The following SP3 variants were observed in gnomAD, a reference collection of about 807,000 sequenced individuals.
SP3 encodes the protein transcription factor Sp3.
SP3 carries 10 observed loss-of-function variants against 70.3 expected under a neutral mutation model. The observed-to-expected ratio is 0.14, with a 90% CI of 0.09 to 0.24. SP3 has a LOEUF of 0.24. Ranked by LOEUF, SP3 falls within the 10% of genes least tolerant of loss-of-function variation. The pLI, the probability that SP3 is intolerant of heterozygous loss-of-function variation, is 1.00. For missense variants in SP3, 825 were observed against 914.6 expected, an observed-to-expected ratio of 0.90 and a Z score of 1.26; for synonymous variants, 402 against 333.5, an observed-to-expected ratio of 1.21 and a Z score of -2.24.
At chr2:173,932,015 C>T (rs1264887076) in intron 4 of SP3, among the ~76,000 whole-genome samples, 1 of 152,198 alleles carries the variant, frequency 6.6e-6, no homozygotes. Context: ...TTTTCCTTTG[C>T]ATTCACAACG....
rs1559084095 is a variant in SP3 at position 173,901,770 on chromosome 2, C to G, written c.*8171G>C. Among the ~76,000 whole-genome samples the G allele has an allele frequency of 7.0e-6, 1 of 142,918 alleles. No homozygotes were observed. Among genetic ancestry groups the G allele is most frequent in the Admixed American group, 7.5e-5 (1 of 13,358 alleles). The allele number at this position is 142,918 out of a possible 152,430, so 93.8% of individuals were successfully genotyped here. A position where few individuals can be genotyped will look rare whatever the true frequency, so the allele number is the denominator to read the frequency against. On this transcript the variant is annotated 3_prime_UTR_variant, in exon 7 of 7. Coordinates refer to ENST00000310015, the MANE Select transcript of SP3 (RefSeq NM_003111.5). ...AGGCTGGAGTGCAGTGGTGCAATCT[C>G]GGCTCACTGCAACCTATGCCTCCTG...
intron 4 of SP3, among the ~76,000 whole-genome samples, chr2:173,928,775 AAAG>A (rs1689986928): frequency 6.6e-6 from 1 of 152,228 alleles, no homozygotes; most frequent in Admixed American, 6.5e-5. Context: ...TGGCTTTCAC[AAAG>A]AATAAAAGCC....
intron 4 of SP3, among the ~76,000 whole-genome samples, chr2:173,949,454 A>C (rs185123262): frequency 6.6e-6 from 1 of 152,178 alleles, no homozygotes; most frequent in South Asian, 2.1e-4. Context: ...CTGCCAAGAC[A>C]CTATAGGAGA....
rs144732751 is a variant in SP3 at position 173,908,815 on chromosome 2, G to A, written c.*1126C>T. ...AAATACAGCATAATAAAAAACATAC[G>A]CTTCTCAATTAAATGTACTGGATAC... is the stretch of plus-strand genomic sequence containing the variant. On this transcript the variant is annotated 3_prime_UTR_variant, in exon 7 of 7. Coordinates refer to ENST00000310015, the MANE Select transcript of SP3 (RefSeq NM_003111.5). The A allele has an allele frequency of 7.1e-4, 107 of 151,312 alleles. 2 individuals carry two copies. In the East Asian group the frequency reaches 0.014, roughly 19 times the overall value. The allele number at this position is 151,312 out of a possible 1,614,324, so 9.4% of individuals were successfully genotyped here. A position where few individuals can be genotyped will look rare whatever the true frequency, so the allele number is the denominator to read the frequency against.
At position 173,902,452 on chromosome 2, in the gene SP3, G is replaced by C. The variant is rs775504861; in HGVS notation, c.*7489C>G. Among the ~76,000 whole-genome samples, 1 of 152,196 alleles carries C rather than the reference G, an allele frequency of 6.6e-6. No individual in the cohort carries two copies. Among genetic ancestry groups the C allele is most frequent in the Non-Finnish European group, 1.5e-5 (1 of 68,036 alleles). ...TGAAACTGAAGATTAAGAATATCCT[G>C]TTGGCCAGTGATTCAAGTTCTAGAT... On this transcript the variant is annotated 3_prime_UTR_variant, in exon 7 of 7. Coordinates refer to ENST00000310015, the MANE Select transcript of SP3 (RefSeq NM_003111.5).
chr2:173,964,754 CCT>C, intron 1 of SP3: 2 of 377,314 alleles, frequency 5.3e-6, no homozygotes, highest in Non-Finnish European at 9.5e-6. Flanking sequence ...TGCCTGTAAC[CCT>C]CCTCCTCCTC....
At chr2:173,961,838 T>C (rs541244583) in intron 3 of SP3, among the ~76,000 whole-genome samples, 94 of 152,184 alleles carry the variant, frequency 6.2e-4, no homozygotes, top group African/African-American at 2.2e-3. Context: ...AAATTTTCTA[T>C]TTGCTAAGGC....
intron 4 of SP3, among the ~76,000 whole-genome samples, chr2:173,949,806 T>C (rs1690662263): frequency 6.6e-6 from 1 of 152,244 alleles, no homozygotes; most frequent in African/African-American, 2.4e-5. Context: ...AAATGACTTC[T>C]ATAAACTCTT....
At chr2:173,951,172 T>TA (rs1431439765) in intron 4 of SP3, among the ~76,000 whole-genome samples, 1 of 152,210 alleles carries the variant, frequency 6.6e-6, no homozygotes, top group African/African-American at 2.4e-5. Context: ...CTAGATTTAT[T>TA]TTCTAACACC....
At position 173,965,358 on chromosome 2, in the gene SP3, G is replaced by A. The variant is rs1300318110; in HGVS notation, c.-187C>T. The A allele has an allele frequency of 3.1e-6, 2 of 647,986 alleles. No homozygotes were observed. Among genetic ancestry groups the A allele is most frequent in the Non-Finnish European group, 5.3e-6 (2 of 379,106 alleles). The allele number at this position is 647,986 out of a possible 1,614,324, so 40.1% of individuals were successfully genotyped here. Reference sequence around the variant, plus strand: ...AAAGGTGGAGCCTCCAGCCCAAAAGGGGGGAAGAGGGTGACAGCCCGCCCG... The same window carrying A: ...AAAGGTGGAGCCTCCAGCCCAAAAGAGGGGAAGAGGGTGACAGCCCGCCCG... On this transcript the variant is annotated 5_prime_UTR_variant, in exon 1 of 7. Coordinates refer to ENST00000310015, the MANE Select transcript of SP3 (RefSeq NM_003111.5).
chr2:173,910,010 T>C lies in SP3; in HGVS notation c.2277A>G (p.Gln759=), dbSNP rs1220655511. ...GTVNTSATSN[Q]DILTNTEIPL... ...GTATTTCAGTGTTGGTAAGGATATC[T>C]TGATTGCTGGTGGCGGAAGTATTAA... Residue 759 remains glutamine, a synonymous_variant, in exon 7 of 7, where the codon CAA becomes CAG. Coordinates refer to ENST00000310015, the MANE Select transcript of SP3 (RefSeq NM_003111.5). The C allele has an allele frequency of 5.0e-6, 8 of 1,613,844 alleles. No homozygotes were observed. Among genetic ancestry groups the C allele is most frequent in the African/African-American group, 2.7e-5 (2 of 74,932 alleles).
At position 173,955,877 on chromosome 2, in the gene SP3, T is replaced by G; in HGVS notation, c.635A>C (p.Gln212Pro). 6.2e-7 allele frequency: 1 copy of G among 1,614,224 alleles called. No homozygotes were observed. The highest frequency in any genetic ancestry group is 8.5e-7 in the Non-Finnish European group (1 of 1,180,028). The change falls in exon 4 of 7, where the codon CAA (glutamine) becomes CCA (proline). Residue 212 changes from glutamine (Q) to proline (P), a missense_variant. Physicochemically the swap from Gln to Pro is moderately conservative, Grantham distance 76. Coordinates refer to ENST00000310015, the MANE Select transcript of SP3 (RefSeq NM_003111.5). ...SQIQIIPGSN[Q>P]TLLASGTPSA... The stretch of plus-strand genomic sequence containing the variant: ...AGGTGTTCCAGAGGCAAGTAAGGTT[T>G]GATTAGAGCCAGGAATGATCTGAAT...
At chr2:173,953,856 A>G (rs73972418) in intron 4 of SP3, among the ~76,000 whole-genome samples, 2,611 of 152,170 alleles carry the variant, frequency 0.017, 84 homozygotes, top group African/African-American at 0.06. Context: ...AAAAATAATC[A>G]CAGCTTCAGA....
chr2:173,928,066 C>T (rs890982692), intron 4 of SP3, among the ~76,000 whole-genome samples: 4 of 152,204 alleles, frequency 2.6e-5, no homozygotes, highest in Non-Finnish European at 4.4e-5. Context: ...CCTCCACCTC[C>T]CAGGTTACCG....
chr2:173,948,596 C>T (rs1690617365), intron 4 of SP3, among the ~76,000 whole-genome samples: 1 of 152,064 alleles, frequency 6.6e-6, no homozygotes, highest in South Asian at 2.1e-4. Context: ...AGTGTATATG[C>T]AGTATAATTA....
At chr2:173,935,793 T>C (rs1054513785) in intron 4 of SP3, among the ~76,000 whole-genome samples, 1 of 152,064 alleles carries the variant, frequency 6.6e-6, no homozygotes, top group Non-Finnish European at 1.5e-5. Flanking sequence ...CCAACTAGTG[T>C]CATCTTGGAG....
rs895290690 is a variant in SP3, at chr2:173,907,204, G to A, written c.*2737C>T. The A allele has an allele frequency of 6.6e-6, 1 of 151,984 alleles. No homozygotes were observed. Among genetic ancestry groups the A allele is most frequent in the African/African-American group, 2.4e-5 (1 of 41,412 alleles). The allele number at this position is 151,984 out of a possible 1,614,324, so 9.4% of individuals were successfully genotyped here. A position where few individuals can be genotyped will look rare whatever the true frequency, so the allele number is the denominator to read the frequency against. On this transcript the variant is annotated 3_prime_UTR_variant, in exon 7 of 7. Coordinates refer to ENST00000310015, the MANE Select transcript of SP3 (RefSeq NM_003111.5). ...ATCGCGTCCACTAAATGTTACAACA[G>A]GAATTATTTGTACATAAATATATTC...
intron 4 of SP3, among the ~76,000 whole-genome samples, chr2:173,919,498 A>G (rs1689691239): frequency 6.6e-6 from 1 of 152,180 alleles, no homozygotes; most frequent in Admixed American, 6.5e-5. Context: ...ACTGTGCTGT[A>G]TTAGTGTCCT....
At chr2:173,940,533 A>G (rs1296530072) in intron 4 of SP3, among the ~76,000 whole-genome samples, 4 of 152,294 alleles carry the variant, frequency 2.6e-5, no homozygotes, top group Non-Finnish European at 4.4e-5. Flanking sequence ...CCAAACTAAC[A>G]AACTGAGAAT....
Sources: allele counts gnomAD v4.1 joint callset (sites outside exome capture counted in the v4.1 genomes callset), GRCh38; gene constraint gnomAD v4.1.1; transcripts MANE v1.5; gene names NCBI Gene and HGNC (gene_info 2026-07-23, HGNC 2026-07-21).